Variants in SLC4A10 observed in about 807,000 individuals in gnomAD.
SLC4A10 encodes sodium-driven chloride bicarbonate exchanger.
SLC4A10 carries 42 observed loss-of-function variants against 137.7 expected under a neutral mutation model. That is an observed-to-expected ratio of 0.30 (90% CI 0.24 to 0.39). The LOEUF (loss-of-function observed/expected upper bound fraction) is 0.39, where lower values mean the gene tolerates loss of function less well. Ranked by LOEUF, SLC4A10 falls within the 10% of genes least tolerant of loss-of-function variation. The probability of loss-of-function intolerance (pLI) is 1.00; values close to 1 mark genes in which losing one functional copy is unlikely to be tolerated. For synonymous variants in SLC4A10, 474 were observed against 464.1 expected (o/e 1.02, Z -0.27); for missense variants, 925 against 1,355.0 (o/e 0.68, Z 4.98).
chr2:161,841,159 C>T (rs2125795238), intron 4 of SLC4A10, among the ~76,000 whole-genome samples: 1 of 152,200 alleles, frequency 6.6e-6, no homozygotes, highest in South Asian at 2.1e-4. Context: ...CTCATTGCAA[C>T]CTCTGCCTCC....
At chr2:161,972,709 T>C (rs559650205) in intron 23 of SLC4A10, among the ~76,000 whole-genome samples, 3 of 152,196 alleles carry the variant, frequency 2.0e-5, no homozygotes, top group Non-Finnish European at 4.4e-5. Flanking sequence ...GGAAAGCTTC[T>C]AAGCAGGGAA....
intron 23 of SLC4A10, among the ~76,000 whole-genome samples, 198 bp from the exon 24 acceptor site, chr2:161,974,051 T>C (rs550775224): frequency 1.3e-5 from 2 of 152,232 alleles, no homozygotes; most frequent in Non-Finnish European, 2.9e-5. Context: ...TACTTTGTGT[T>C]ATGAGACTCT....
At chr2:161,812,780 G>C (rs1295513040) in intron 3 of SLC4A10, among the ~76,000 whole-genome samples, 1 of 151,984 alleles carries the variant, frequency 6.6e-6, no homozygotes, top group Non-Finnish European at 1.5e-5. Flanking sequence ...ATGGTACCTA[G>C]TTGATTCCAT....
intron 4 of SLC4A10, among the ~76,000 whole-genome samples, chr2:161,844,065 T>C (rs1404650930): frequency 6.6e-6 from 1 of 152,122 alleles, no homozygotes; most frequent in African/African-American, 2.4e-5. Context: ...ATGTTATTAA[T>C]AGAAAAGTGA....
intron 5 of SLC4A10, among the ~76,000 whole-genome samples, chr2:161,859,893 C>T (rs2060334238): frequency 6.6e-6 from 1 of 152,158 alleles, no homozygotes; most frequent in African/African-American, 2.4e-5. Flanking sequence ...AGCCACCGCG[C>T]CTTTTCTCTT....
chr2:161,819,453 C>G (rs997547258), intron 3 of SLC4A10, among the ~76,000 whole-genome samples: 5 of 151,858 alleles, frequency 3.3e-5, no homozygotes, highest in African/African-American at 4.8e-5. Flanking sequence ...AATTAATTCT[C>G]CTTCCTATTG....
At chr2:161,982,266 G>A (rs1700321620) in intron 26 of SLC4A10, among the ~76,000 whole-genome samples, 1 of 152,162 alleles carries the variant, frequency 6.6e-6, no homozygotes, top group Non-Finnish European at 1.5e-5. Context: ...AGATGAGGAG[G>A]GTTTTGCTGT....
intron 8 of SLC4A10, among the ~76,000 whole-genome samples, chr2:161,875,999 C>G (rs975979797): frequency 3.9e-5 from 6 of 152,086 alleles, no homozygotes; most frequent in Admixed American, 2.0e-4. Flanking sequence ...GTAGTTTGCC[C>G]AGACACTTCC....
At chr2:161,639,567 TA>T (rs1382088900) in intron 1 of SLC4A10, among the ~76,000 whole-genome samples, 1 of 152,088 alleles carries the variant, frequency 6.6e-6, no homozygotes, top group Non-Finnish European at 1.5e-5. Context: ...TAATAAAATT[TA>T]ATATCCCTTT....
chr2:161,939,961 T>C (rs1336261247), intron 15 of SLC4A10, among the ~76,000 whole-genome samples: 1 of 152,148 alleles, frequency 6.6e-6, no homozygotes, highest in Non-Finnish European at 1.5e-5. Flanking sequence ...AATAATGTTA[T>C]GAGTATATAC....
At chr2:161,632,363 C>T (rs903517362) in intron 1 of SLC4A10, among the ~76,000 whole-genome samples, 4 of 151,502 alleles carry the variant, frequency 2.6e-5, no homozygotes, top group African/African-American at 4.8e-5. Context: ...ATAAACCTCT[C>T]CAAATGCTTC....
At chr2:161,787,482 A>C (rs1468105069) in intron 2 of SLC4A10, among the ~76,000 whole-genome samples, 1 of 152,088 alleles carries the variant, frequency 6.6e-6, no homozygotes, top group African/African-American at 2.4e-5. Flanking sequence ...AGATCAGGGA[A>C]ATTTTTCTGA....
chr2:161,882,813 C>G (rs555694865), intron 10 of SLC4A10, among the ~76,000 whole-genome samples: 1 of 152,150 alleles, frequency 6.6e-6, no homozygotes, highest in East Asian at 1.9e-4. Flanking sequence ...AGCAGTTTAT[C>G]TGAATAGTAT....
At chr2:161,974,948 T>C (rs1699149715) in intron 24 of SLC4A10, among the ~76,000 whole-genome samples, 1 of 152,180 alleles carries the variant, frequency 6.6e-6, no homozygotes, top group African/African-American at 2.4e-5. Flanking sequence ...ACGGTTATCT[T>C]GTACAATTCT....
chr2:161,887,251 T>C (rs149449700), intron 10 of SLC4A10, among the ~76,000 whole-genome samples: 28 of 152,304 alleles, frequency 1.8e-4, no homozygotes, highest in Non-Finnish European at 2.9e-5. Flanking sequence ...GAAATAAATA[T>C]ACGCAGTAGT....
intron 15 of SLC4A10, among the ~76,000 whole-genome samples, chr2:161,920,752 C>T (rs536609315): frequency 2.6e-5 from 4 of 152,284 alleles, no homozygotes; most frequent in African/African-American, 9.6e-5. Flanking sequence ...ACCTACAAAA[C>T]TCAGGAGTAA....
At chr2:161,845,363 C>G (rs2059426540) in intron 4 of SLC4A10, among the ~76,000 whole-genome samples, 1 of 152,046 alleles carries the variant, frequency 6.6e-6, no homozygotes, top group African/African-American at 2.4e-5. Context: ...TCTTTAGTAA[C>G]TTGATATTTG....
In SLC4A10 at chr2:161,905,672, A is replaced by G; in HGVS notation, c.1782A>G (p.Arg594=). The G allele has an allele frequency of 1.2e-6, 2 of 1,612,550 alleles. No homozygotes were observed. The highest frequency in any genetic ancestry group is 1.7e-6 in the Non-Finnish European group (2 of 1,179,320). ...ATGGGCTGTCATACCTATCTTTAAG[A>G]GCTAGCATTGGACTTTGGACTGCAA... ...KEYGLSYLSL[R]ASIGLWTATL... Residue 594 remains arginine (R), a synonymous_variant, in exon 15 of 27, where the codon AGA becomes AGG. Coordinates refer to ENST00000446997, the MANE Select transcript of SLC4A10 (RefSeq NM_001178015.2).
At chr2:161,766,016 A>G (rs2050763003) in intron 1 of SLC4A10, among the ~76,000 whole-genome samples, 1 of 152,154 alleles carries the variant, frequency 6.6e-6, no homozygotes, top group African/African-American at 2.4e-5. Flanking sequence ...ATGTATTAGT[A>G]TTAATTTGTA....
Sources: gnomAD v4.1 joint callset for allele counts (sites outside exome capture counted in the v4.1 genomes callset) on GRCh38, gnomAD v4.1.1 for gene constraint, MANE v1.5 for transcripts, NCBI Gene and HGNC (gene_info 2026-07-23, HGNC 2026-07-21) for gene names.